The following SLC15A5 variants were observed in gnomAD, a reference collection of about 807,000 sequenced individuals.
SLC15A5 encodes the protein solute carrier family 15 member 5.
In SLC15A5, 58 loss-of-function variants were observed where a neutral mutation model predicts 56.1. The ratio of observed to expected loss-of-function variants is 1.03; its 90% CI spans 0.84 to 1.29. The LOEUF (loss-of-function observed/expected upper bound fraction) is 1.29. SLC15A5 is among the 50% of genes most tolerant of loss of function. The probability of loss-of-function intolerance (pLI) is 0.00; values close to 1 mark genes in which losing one functional copy is unlikely to be tolerated. For missense variants in SLC15A5, 681 were observed against 672.1 expected, an observed-to-expected ratio of 1.01 and a Z score of -0.15; for synonymous variants, 264 against 250.5, an observed-to-expected ratio of 1.05 and a Z score of -0.51.
At chr12:16,211,663 GA>G (rs1387364884) in intron 7 of SLC15A5, among the ~76,000 whole-genome samples, 1 of 152,124 alleles carries the variant, frequency 6.6e-6, no homozygotes, top group East Asian at 1.9e-4. Context: ...GGATAGAGTC[GA>G]AATAAGCAGT....
intron 7 of SLC15A5, among the ~76,000 whole-genome samples, chr12:16,200,545 G>C (rs1437909772): frequency 2.0e-5 from 3 of 151,994 alleles, no homozygotes; most frequent in African/African-American, 4.8e-5. Flanking sequence ...TCACAACATT[G>C]TTTAGTATGA....
chr12:16,244,655 T>C lies in SLC15A5; in HGVS notation c.900A>G (p.Val300=), dbSNP rs761920297. 2.6e-6 allele frequency: 4 copies of C among 1,537,640 alleles called. No homozygotes were observed. Among genetic ancestry groups the C allele is most frequent in the Non-Finnish European group, 3.5e-6 (4 of 1,147,030 alleles). ...GGGTGAGGAAAAATGTTGTGTCTTC[T>C]ACATGGAGCTCACTGTAGCAGCCAC... ...KNGGCYSELH[V]EDTTFFLTLL... is the part of the protein sequence containing the mutation. The change falls in exon 4 of 9, where the codon GTA becomes GTG. Residue 300 remains valine, a synonymous_variant. Coordinates refer to ENST00000344941, the MANE Select transcript of SLC15A5 (RefSeq NM_001170798.1).
intron 4 of SLC15A5, 77 bp from the exon 5 acceptor site, chr12:16,239,944 A>G (rs1480400643): frequency 2.4e-6 from 3 of 1,269,788 alleles, no homozygotes; most frequent in South Asian, 1.5e-5. Context: ...CCAGAGGCCT[A>G]CCCTCTTGCA....
Position 16,239,805 on chromosome 12 carries a change from C to T in SLC15A5, c.1038G>A (p.Leu346=). ...TGATGGCATTCATTACTGCAATCGG[C>T]AGAAGAAATCCATCCAAATTCAGGT... ...NSNLNLDGFL[L]PIAVMNAISS... is the part of the protein sequence containing the mutation. Residue 346 remains leucine, a synonymous_variant, in exon 5 of 9, where the codon CTG becomes CTA. Transcript: ENST00000344941. The T allele has an allele frequency of 6.5e-7, 1 of 1,537,160 alleles. No homozygotes were observed. The highest frequency in any genetic ancestry group is 8.7e-7 in the Non-Finnish European group (1 of 1,146,868).
intron 1 of SLC15A5, among the ~76,000 whole-genome samples, chr12:16,276,323 C>T (rs916631363): frequency 6.6e-6 from 1 of 152,014 alleles, no homozygotes; most frequent in Admixed American, 6.6e-5. Flanking sequence ...TCATCTGTCC[C>T]CCTACCAATA....
intron 5 of SLC15A5, among the ~76,000 whole-genome samples, chr12:16,230,137 G>C (rs1280388577): frequency 6.6e-6 from 1 of 152,140 alleles, no homozygotes; most frequent in South Asian, 2.1e-4. Context: ...AAAGAAAAAA[G>C]TTATCCTCTA....
intron 3 of SLC15A5, 35 bp downstream of exon 3, chr12:16,257,666 A>G: frequency 7.3e-7 from 1 of 1,371,020 alleles, no homozygotes; most frequent in East Asian, 2.8e-5. Flanking sequence ...AAACAATATA[A>G]ACCCAGAAAT....
rs1404477272 is a variant in SLC15A5, at chr12:16,243,074, G to A, written c.975+1506C>T. ...GTAAATATGTCCACATATGGGTTCC[G>A]TGGCAATTACTCAACTCTGCTATTT... On this transcript the variant is annotated intron_variant, in intron 4 of 8. Coordinates refer to ENST00000344941, the MANE Select transcript of SLC15A5 (RefSeq NM_001170798.1). The surrounding 1 kb of genome is among the most constrained non-coding windows in gnomAD (Gnocchi z 4.4). Among the ~76,000 whole-genome samples, 3 of 152,080 alleles carry A rather than the reference G, an allele frequency of 2.0e-5. No homozygotes were observed. Among genetic ancestry groups the A allele is most frequent in the Admixed American group, 6.5e-5 (1 of 15,278 alleles).
chr12:16,235,672 T>A lies in SLC15A5; in HGVS notation c.1162+4009A>T, dbSNP rs528340576. On this transcript the variant is annotated intron_variant, in intron 5 of 8. Transcript: ENST00000344941. This position sits in a 1 kb window ranked among gnomAD's most constrained non-coding sequence, Gnocchi z 4.1. ...TTACTTCTTTTGGTGTTTACGCAGT[T>A]CCTCCTATCAAGTATTTTACAATGG... Among the ~76,000 whole-genome samples the A allele has an allele frequency of 5.9e-5, 9 of 152,292 alleles. No homozygotes were observed. The highest frequency in any genetic ancestry group is 3.4e-3 in the Middle Eastern group (1 of 294).
In SLC15A5 at chr12:16,277,613, C is replaced by A. The variant is rs1470103164; in HGVS notation, c.73G>T (p.Val25Leu). ...LYHSIEKEKT[V>L]RHIGDLCSSH... Reference sequence around the variant, plus strand: ...GAACACAAATCGCCAATATGTCTTACAGTTTTCTCCTTCTCAATGCTGTGA... The same window carrying A: ...GAACACAAATCGCCAATATGTCTTAAAGTTTTCTCCTTCTCAATGCTGTGA... The change falls in exon 1 of 9, where the codon GTA becomes TTA. Residue 25 changes from valine to leucine, a missense_variant. Val to Leu is a conservative substitution (Grantham distance 32). Coordinates refer to ENST00000344941, the MANE Select transcript of SLC15A5 (RefSeq NM_001170798.1). 1 of 1,536,298 alleles carries A rather than the reference C, an allele frequency of 6.5e-7. No homozygotes were observed. Among genetic ancestry groups the A allele is most frequent in the Non-Finnish European group, 8.7e-7 (1 of 1,146,326 alleles).
Position 16,277,354 on chromosome 12 carries a change from A to G in SLC15A5, c.332T>C (p.Val111Ala), listed in dbSNP as rs1864830500. 1 of 1,534,236 alleles carries G rather than the reference A, an allele frequency of 6.5e-7. No individual in the cohort carries two copies. Among genetic ancestry groups the G allele is most frequent in the Admixed American group, 2.0e-5 (1 of 50,830 alleles). ...AAAATGTAGAAACAAGCAAATGTAC[A>G]CCAGTTTGTTTCTTCCTAAATAGAC... ...TDVYLGRNKL[V>A]YICLFLHFLG... The change falls in exon 1 of 9, where the codon GTG becomes GCG. Residue 111 changes from valine (V) to alanine (A), a missense_variant. Physicochemically the swap from Val to Ala is moderately conservative, Grantham distance 64. Transcript: ENST00000344941.
At chr12:16,265,747 T>G (rs1211807839) in intron 2 of SLC15A5, among the ~76,000 whole-genome samples, 2 of 152,226 alleles carry the variant, frequency 1.3e-5, no homozygotes, top group African/African-American at 4.8e-5. Flanking sequence ...CCTCCCAAAG[T>G]GCTGGGACTA....
chr12:16,232,393 C>G (rs542200510), intron 5 of SLC15A5, among the ~76,000 whole-genome samples: 142 of 152,192 alleles, frequency 9.3e-4, no homozygotes, highest in African/African-American at 2.9e-3. Context: ...GGTCCAACAT[C>G]TGATCAATAG....
intron 1 of SLC15A5, among the ~76,000 whole-genome samples, chr12:16,275,705 G>A (rs757358807): frequency 6.6e-6 from 1 of 151,986 alleles, no homozygotes; most frequent in Non-Finnish European, 1.5e-5. Context: ...ATGAATGGAT[G>A]TAGAGTTGAC....
chr12:16,201,711 C>T (rs1591639950), intron 7 of SLC15A5, among the ~76,000 whole-genome samples: 2 of 152,164 alleles, frequency 1.3e-5, no homozygotes, highest in South Asian at 4.1e-4. Context: ...TGCCTTGCTT[C>T]CCCTTCACCT....
At chr12:16,256,686 C>G (rs1385058048) in intron 3 of SLC15A5, among the ~76,000 whole-genome samples, 2 of 151,860 alleles carry the variant, frequency 1.3e-5, no homozygotes, top group Non-Finnish European at 2.9e-5. Context: ...GGTGAAACCC[C>G]GTTTCTACTA....
chr12:16,271,837 A>G lies in SLC15A5; in HGVS notation c.584+724T>C, dbSNP rs1241186916. 6.6e-6 allele frequency among the ~76,000 whole-genome samples: 1 copy of G among 152,174 alleles called. No individual in the cohort carries two copies. The highest frequency in any genetic ancestry group is 1.5e-5 in the Non-Finnish European group (1 of 68,020). The stretch of plus-strand genomic sequence containing the variant: ...ATAAATTGTTTCCTTAAAAAACACA[A>G]AAACCGACGAACTCCATAAGAACTC... On this transcript the variant is annotated intron_variant, in intron 2 of 8. Coordinates refer to ENST00000344941, the MANE Select transcript of SLC15A5 (RefSeq NM_001170798.1). The surrounding 1 kb of genome is among the most constrained non-coding windows in gnomAD (Gnocchi z 8.0).
intron 6 of SLC15A5, among the ~76,000 whole-genome samples, chr12:16,219,665 T>C (rs939863451): frequency 1.3e-5 from 2 of 152,196 alleles, no homozygotes; most frequent in South Asian, 4.1e-4. Context: ...TTCCCTTTTA[T>C]AGGACTTAGC....
chr12:16,275,237 G>T (rs1864804027), intron 1 of SLC15A5, among the ~76,000 whole-genome samples: 1 of 152,070 alleles, frequency 6.6e-6, no homozygotes, highest in African/African-American at 2.4e-5. Context: ...GGGATGGAAA[G>T]ATAAGGGAAG....
Sources: allele counts gnomAD v4.1 joint callset (sites outside exome capture counted in the v4.1 genomes callset), GRCh38; gene constraint gnomAD v4.1.1; non-coding constraint Gnocchi (gnomAD v3.1); transcripts MANE v1.5; gene names NCBI Gene and HGNC (gene_info 2026-07-23, HGNC 2026-07-21).